Variants in RP2 observed in about 807,000 individuals in gnomAD.
The protein encoded by RP2 is RP2 activator of ARL3 GTPase, also known as protein XRP2.
RP2 carries 3 observed loss-of-function variants against 20.3 expected under a neutral mutation model. The ratio of observed to expected loss-of-function variants is 0.15; its 90% CI spans 0.07 to 0.38. The LOEUF is 0.38. Among genes scored for constraint, RP2 ranks in the 10% least tolerant of loss-of-function variants. RP2 has a pLI of 1.00. For missense variants in RP2, 233 were observed against 268.5 expected (o/e 0.87, Z 0.92); for synonymous variants, 75 against 94.8 (o/e 0.79, Z 1.22).
At chrX:46,847,869 T>C (rs1924782943) in intron 1 of RP2, among the ~76,000 whole-genome samples, 1 of 100,364 alleles carries the variant, frequency 1.0e-5, no homozygotes, top group Non-Finnish European at 2.0e-5. Flanking sequence ...TGTGTGTGTA[T>C]ATATATACAC....
At chrX:46,871,669 G>A (rs1188542218) in intron 3 of RP2, among the ~76,000 whole-genome samples, 6 of 111,984 alleles carry the variant, frequency 5.4e-5, no homozygotes, top group Non-Finnish European at 9.4e-5. Context: ...GTAATCTGCT[G>A]TTGCTTGGTT....
chrX:46,849,928 G>A (rs1924830353), intron 1 of RP2, among the ~76,000 whole-genome samples: 1 of 111,820 alleles, frequency 8.9e-6, no homozygotes, highest in African/African-American at 3.3e-5. Flanking sequence ...GATAGGATTA[G>A]TGTCCTTATA....
intron 3 of RP2, among the ~76,000 whole-genome samples, chrX:46,864,212 G>A (rs904738573): frequency 9.0e-6 from 1 of 111,293 alleles, no homozygotes; most frequent in African/African-American, 3.3e-5. Flanking sequence ...TGAGGTGGGA[G>A]GATCACCTGA....
chrX:46,854,438 A>G (rs1240805336), intron 2 of RP2, among the ~76,000 whole-genome samples: 1 of 112,486 alleles, frequency 8.9e-6, no homozygotes, highest in African/African-American at 3.2e-5. Context: ...TTAAAAAAAT[A>G]TAATTCAAAT....
intron 3 of RP2, among the ~76,000 whole-genome samples, chrX:46,864,658 G>A (rs1053473238): frequency 1.5e-4 from 17 of 110,985 alleles, no homozygotes; most frequent in African/African-American, 4.6e-4. Context: ...TGATGCGTCC[G>A]CCTCAGCCTC....
At chrX:46,859,891 G>T in intron 2 of RP2, 97 bp from the exon 3 acceptor site, 1 of 604,981 alleles carries the variant, frequency 1.7e-6, no homozygotes, top group Non-Finnish European at 2.8e-6. Context: ...TCAGTGTGCT[G>T]TTGTTGCATT....
chrX:46,860,867 G>A, intron 3 of RP2, among the ~76,000 whole-genome samples: 1 of 112,123 alleles, frequency 8.9e-6, no homozygotes, highest in East Asian at 2.8e-4. Context: ...TGCTCTTTAT[G>A]TATAAAAATA....
At chrX:46,847,787 C>CGTGTGTGTGTGTGTATATACACACAT in intron 1 of RP2, among the ~76,000 whole-genome samples, 1 of 82,653 alleles carries the variant, frequency 1.2e-5, no homozygotes. Context: ...TACATACACA[C>CGTGTGTGTGTGTGTATATACACACAT]ATGTGTGTGT....
chrX:46,844,574 A>G (rs1330700390), intron 1 of RP2, among the ~76,000 whole-genome samples: 1 of 111,205 alleles, frequency 9.0e-6, no homozygotes, highest in Non-Finnish European at 1.9e-5. Context: ...AATCCAGTCT[A>G]TCATTGATGG....
chrX:46,844,006 G>T (rs1461943706), intron 1 of RP2, among the ~76,000 whole-genome samples: 1 of 111,217 alleles, frequency 9.0e-6, no homozygotes, highest in Non-Finnish European at 1.9e-5. Flanking sequence ...TAAGAATGAA[G>T]CATCAAAAAA....
Position 46,854,338 on chromosome X carries a change from CTT to C in RP2, c.768+200_768+201del, listed in dbSNP as rs1428861926. ...GCCTCAAAATACTTTCTCAAAGAAA[CTT>C]TTAAAAAATATAATTCAATTCAGTA... On this transcript the variant is annotated intron_variant, in intron 2 of 4. Coordinates refer to ENST00000218340, the MANE Select transcript of RP2 (RefSeq NM_006915.3). Among the ~76,000 whole-genome samples the C allele has an allele frequency of 2.7e-5, 3 of 111,953 alleles. 1 individual carries two copies. Among genetic ancestry groups the C allele is most frequent in the Middle Eastern group, 9.2e-3 (2 of 217 alleles).
chrX:46,837,970 C>T (rs1289216188), intron 1 of RP2, among the ~76,000 whole-genome samples: 1 of 112,196 alleles, frequency 8.9e-6, no homozygotes, highest in African/African-American at 3.2e-5. Context: ...ATTAGTCTTA[C>T]ACAAAACACA....
intron 2 of RP2, among the ~76,000 whole-genome samples, chrX:46,856,378 A>C (rs1924959492): frequency 9.0e-6 from 1 of 111,572 alleles, no homozygotes; most frequent in Non-Finnish European, 1.9e-5. Context: ...TATTCTTTAG[A>C]TATCCTCTGG....
At chrX:46,848,535 C>T (rs1431823927) in intron 1 of RP2, among the ~76,000 whole-genome samples, 2 of 107,402 alleles carry the variant, frequency 1.9e-5, no homozygotes, top group Admixed American at 1.0e-4. Flanking sequence ...AGGCGCCCAC[C>T]ACCATGCCCA....
chrX:46,870,192 CAA>C (rs782119484), intron 3 of RP2, among the ~76,000 whole-genome samples: 2 of 111,018 alleles, frequency 1.8e-5, no homozygotes, highest in African/African-American at 3.3e-5. Flanking sequence ...ACTGTAACCT[CAA>C]ACTCATGGGC....
At chrX:46,844,936 A>T in intron 1 of RP2, among the ~76,000 whole-genome samples, 1 of 112,132 alleles carries the variant, frequency 8.9e-6, no homozygotes, top group Non-Finnish European at 1.9e-5. Flanking sequence ...GCCAGGGATG[A>T]TGAATATTTT....
chrX:46,878,019 G>A (rs1187119341), intron 4 of RP2, among the ~76,000 whole-genome samples: 2 of 110,456 alleles, frequency 1.8e-5, no homozygotes, highest in African/African-American at 3.3e-5. Flanking sequence ...TACGCCCAGG[G>A]TTCATTTTTA....
intron 3 of RP2, among the ~76,000 whole-genome samples, chrX:46,864,585 A>C (rs1317412703): frequency 1.8e-5 from 2 of 109,740 alleles, no homozygotes; most frequent in African/African-American, 6.6e-5. Flanking sequence ...TAATTTTTGT[A>C]TTTTTTGTAG....
chrX:46,847,776 G>A (rs200166333), intron 1 of RP2, among the ~76,000 whole-genome samples: 11 of 74,620 alleles, frequency 1.5e-4, no homozygotes, highest in Middle Eastern at 5.8e-3. Context: ...ATGTGTGTGT[G>A]TACATACACA....
Sources: allele counts gnomAD v4.1 joint callset (sites outside exome capture counted in the v4.1 genomes callset), GRCh38; gene constraint gnomAD v4.1.1; transcripts MANE v1.5; gene names NCBI Gene and HGNC (gene_info 2026-07-23, HGNC 2026-07-21).